CSDC2: variants seen among roughly 807,000 people sequenced by gnomAD.
CSDC2 encodes cold shock domain containing C2.
Under a neutral mutation model 15.8 loss-of-function variants are expected in CSDC2, and 8 were observed. The ratio of observed to expected loss-of-function variants is 0.51; its 90% CI spans 0.30 to 0.92. CSDC2 has a LOEUF of 0.92. CSDC2 is among the 40% of genes least tolerant of loss of function. The pLI is 0.07. For missense variants in CSDC2, 195 were observed against 213.3 expected, an observed-to-expected ratio of 0.91 and a Z score of 0.53; for synonymous variants, 96 against 92.3, an observed-to-expected ratio of 1.04 and a Z score of -0.23.
rs2067173067 is a variant in CSDC2, at chr22:41,575,941, T to G, written c.*1046T>G. On this transcript the variant is annotated 3_prime_UTR_variant, in exon 4 of 4. Coordinates refer to ENST00000306149, the MANE Select transcript of CSDC2 (RefSeq NM_014460.4). ...ACCTGGAGTCCTTTTGGGGCCAAGA[T>G]GTGTGTGCACCCGGGGTCGTGGCCA... 1 of 152,316 alleles carries G rather than the reference T, an allele frequency of 6.6e-6. No individual in the cohort carries two copies. Among genetic ancestry groups the G allele is most frequent in the Non-Finnish European group, 1.5e-5 (1 of 68,146 alleles). 9.4% of individuals were successfully genotyped at this position (152,316 alleles called of 1,614,324 possible).
At chr22:41,566,787 C>T (rs982942317) in intron 1 of CSDC2, among the ~76,000 whole-genome samples, 6 of 149,928 alleles carry the variant, frequency 4.0e-5, no homozygotes, top group African/African-American at 1.5e-4. Flanking sequence ...ATTAGCCGTG[C>T]GTGGTGGCAG....
At chr22:41,565,105 T>G (rs1244602657) in intron 1 of CSDC2, among the ~76,000 whole-genome samples, 86 of 136,382 alleles carry the variant, frequency 6.3e-4, no homozygotes, top group Middle Eastern at 5.0e-3. Flanking sequence ...GGCAGAGGTT[T>G]CAGTGAGCCG....
intron 1 of CSDC2, among the ~76,000 whole-genome samples, chr22:41,568,134 C>CTGTTTTTTTTTTTTTT (rs562406296): frequency 9.1e-6 from 1 of 109,554 alleles, no homozygotes; most frequent in African/African-American, 3.5e-5. Flanking sequence ...CTCTCCCTCT[C>CTGTTTTTTTTTTTTTT]TTTTTTTTGA....
At chr22:41,563,977 G>A (rs1279323751) in intron 1 of CSDC2, among the ~76,000 whole-genome samples, 1 of 150,754 alleles carries the variant, frequency 6.6e-6, no homozygotes, top group African/African-American at 2.4e-5. Context: ...CCAGCTACTC[G>A]GGAGGCTGAG....
At chr22:41,573,538 T>C in intron 2 of CSDC2, 117 bp from the exon 3 acceptor site, 1 of 1,253,704 alleles carries the variant, frequency 8.0e-7, no homozygotes, top group Non-Finnish European at 1.1e-6. Context: ...GTTTCTGGCC[T>C]GGGTCAAGTT....
At chr22:41,564,803 C>T (rs911225085) in intron 1 of CSDC2, among the ~76,000 whole-genome samples, 1 of 152,182 alleles carries the variant, frequency 6.6e-6, no homozygotes, top group Non-Finnish European at 1.5e-5. Flanking sequence ...TGCCCCAGGT[C>T]ACACAGCACT....
chr22:41,566,367 C>T (rs747560752), intron 1 of CSDC2, among the ~76,000 whole-genome samples: 12 of 150,414 alleles, frequency 8.0e-5, no homozygotes, highest in Non-Finnish European at 1.8e-4. Context: ...TCGCTTGAAC[C>T]CCACAGGCAG....
chr22:41,562,702 G>A (rs1171501921), intron 1 of CSDC2, among the ~76,000 whole-genome samples: 1 of 152,072 alleles, frequency 6.6e-6, no homozygotes, highest in African/African-American at 2.4e-5. Flanking sequence ...CCAGGACCCA[G>A]AGCCTTGTAG....
intron 1 of CSDC2, among the ~76,000 whole-genome samples, chr22:41,562,057 G>C (rs1055944294): frequency 7.9e-5 from 12 of 152,184 alleles, no homozygotes; most frequent in African/African-American, 1.2e-4. Flanking sequence ...GGGACACAGA[G>C]CGAGAACAAT....
chr22:41,565,580 T>C (rs1297263764), intron 1 of CSDC2, among the ~76,000 whole-genome samples: 1 of 151,742 alleles, frequency 6.6e-6, no homozygotes, highest in East Asian at 1.9e-4. Flanking sequence ...GGTGACAAAG[T>C]GATACCCTGT....
chr22:41,574,545 G>GT, intron 3 of CSDC2, among the ~76,000 whole-genome samples, 188 bp from the exon 4 acceptor site: 1 of 152,342 alleles, frequency 6.6e-6, no homozygotes, highest in South Asian at 2.1e-4. Context: ...GATTACAGGC[G>GT]TGAGCCACTG....
chr22:41,561,037 CACACACAG>C lies in CSDC2; in HGVS notation c.-262_-255del, dbSNP rs1287804483. The stretch of plus-strand genomic sequence containing the variant: ...GGGGCTGAGGTACCGCCCGCGCGAG[CACACACAG>C]ACACACACACACACACACACACACA... On this transcript the variant is annotated 5_prime_UTR_variant, in exon 1 of 4. Transcript: ENST00000306149. The C allele has an allele frequency of 4.8e-5, 6 of 124,108 alleles. No individual in the cohort carries two copies. The highest frequency in any genetic ancestry group is 9.8e-5 in the African/African-American group (3 of 30,718). 7.7% of individuals were successfully genotyped at this position (124,108 alleles called of 1,614,324 possible).
Position 41,561,045 on chromosome 22 carries a change from G to GACACACAGACACACAGACACAC in CSDC2, c.-255_-254insGACACACAGACACACACACACA, listed in dbSNP as rs560868541. On this transcript the variant is annotated 5_prime_UTR_variant, in exon 1 of 4. Transcript: ENST00000306149. ...GGTACCGCCCGCGCGAGCACACACA[G>GACACACAGACACACAGACACAC]ACACACACACACACACACACACACA... The GACACACAGACACACAGACACAC allele has an allele frequency of 1.5e-5, 2 of 132,060 alleles. No individual in the cohort carries two copies. The highest frequency in any genetic ancestry group is 1.5e-4 in the Admixed American group (2 of 13,444). The allele number at this position is 132,060 out of a possible 1,614,324, so 8.2% of individuals were successfully genotyped here.
chr22:41,563,941 G>A (rs544344241), intron 1 of CSDC2, among the ~76,000 whole-genome samples: 219 of 150,858 alleles, frequency 1.5e-3, no homozygotes, highest in South Asian at 4.4e-3. Flanking sequence ...AAAATTAACC[G>A]AGCGTGGTGG....
At chr22:41,566,856 G>T (rs1363432846) in intron 1 of CSDC2, among the ~76,000 whole-genome samples, 3 of 151,548 alleles carry the variant, frequency 2.0e-5, no homozygotes, top group Admixed American at 6.6e-5. Context: ...GAACCCGGGA[G>T]GCGGAGCTTG....
intron 1 of CSDC2, among the ~76,000 whole-genome samples, chr22:41,569,002 C>T (rs2067131186): frequency 1.3e-5 from 2 of 152,250 alleles, no homozygotes. Flanking sequence ...TCTCCATCCT[C>T]CTCTTCCCTC....
chr22:41,563,772 T>C (rs2067099246), intron 1 of CSDC2, among the ~76,000 whole-genome samples: 2 of 152,144 alleles, frequency 1.3e-5, no homozygotes, highest in South Asian at 4.2e-4. Flanking sequence ...GTTTACTCTT[T>C]AGAAGATGGG....
At chr22:41,566,754 C>T (rs1241512185) in intron 1 of CSDC2, among the ~76,000 whole-genome samples, 2 of 150,630 alleles carry the variant, frequency 1.3e-5, no homozygotes, top group African/African-American at 2.4e-5. Context: ...AGTGAAACCC[C>T]GTCTCTACTA....
Position 41,575,296 on chromosome 22 carries a change from C to A in CSDC2, c.*401C>A, listed in dbSNP as rs1447470391. On this transcript the variant is annotated 3_prime_UTR_variant, in exon 4 of 4. Transcript: ENST00000306149. ...GAGCTGTCCCGTGTCAGTCCCTGGC[C>A]CGGAGCCAGGCTCTCTGTGCTACTT... 2 of 209,714 alleles carry A rather than the reference C, an allele frequency of 9.5e-6. No individual in the cohort carries two copies. Among genetic ancestry groups the A allele is most frequent in the Non-Finnish European group, 1.9e-5 (2 of 104,802 alleles). The allele number at this position is 209,714 out of a possible 1,614,324, so 13.0% of individuals were successfully genotyped here. A position where few individuals can be genotyped will look rare whatever the true frequency, so the allele number is the denominator to read the frequency against.
Sources: allele counts gnomAD v4.1 joint callset (sites outside exome capture counted in the v4.1 genomes callset), GRCh38; gene constraint gnomAD v4.1.1; transcripts MANE v1.5; gene names NCBI Gene and HGNC (gene_info 2026-07-23, HGNC 2026-07-21).